Variants in CORO2A observed in about 807,000 individuals in gnomAD.
CORO2A encodes coronin-2A.
CORO2A carries 47 observed loss-of-function variants against 62.4 expected under a neutral mutation model. The observed-to-expected ratio is 0.75, with a 90% CI of 0.60 to 0.96. CORO2A has a LOEUF of 0.96. CORO2A is among the 40% of genes least tolerant of loss of function. CORO2A has a pLI of 0.00. For synonymous variants in CORO2A, 273 were observed against 268.9 expected (o/e 1.02, Z -0.15); for missense variants, 610 against 684.1 (o/e 0.89, Z 1.21).
intron 2 of CORO2A, among the ~76,000 whole-genome samples, chr9:98,153,498 G>A (rs1043127058): frequency 2.6e-5 from 4 of 150,948 alleles, no homozygotes; most frequent in East Asian, 1.9e-4. Flanking sequence ...CCTCAAATTC[G>A]TGGCCTCAAG....
At chr9:98,163,768 G>GAGAGAGAGAGAGAGAA (rs144754511) in intron 1 of CORO2A, among the ~76,000 whole-genome samples, 2 of 146,960 alleles carry the variant, frequency 1.4e-5, no homozygotes, top group Non-Finnish European at 1.5e-5. Flanking sequence ...GAGAGAGAGA[G>GAGAGAGAGAGAGAGAA]AGAGAGAAAG....
At chr9:98,189,808 T>G (rs1025235302) in intron 1 of CORO2A, among the ~76,000 whole-genome samples, 1 of 152,250 alleles carries the variant, frequency 6.6e-6, no homozygotes, top group African/African-American at 2.4e-5. Flanking sequence ...CACTATTTTT[T>G]AAGCTGTATT....
intron 1 of CORO2A, among the ~76,000 whole-genome samples, chr9:98,182,994 G>A (rs532212088): frequency 1.3e-5 from 2 of 152,322 alleles, no homozygotes; most frequent in Admixed American, 1.3e-4. Context: ...AGGCTGAAAC[G>A]CCTGTGAGAT....
At chr9:98,149,441 G>A (rs1827693380) in intron 2 of CORO2A, among the ~76,000 whole-genome samples, 1 of 152,158 alleles carries the variant, frequency 6.6e-6, no homozygotes, top group African/African-American at 2.4e-5. Flanking sequence ...AGGAATATGT[G>A]AGGCTGAGTA....
intron 3 of CORO2A, among the ~76,000 whole-genome samples, chr9:98,135,814 AC>A (rs770777441): frequency 8.3e-4 from 126 of 152,296 alleles, no homozygotes; most frequent in Admixed American, 3.5e-3. Context: ...TGGATTTAAA[AC>A]CAGGAAGCCA....
chr9:98,159,366 C>T (rs1207938319), intron 1 of CORO2A, among the ~76,000 whole-genome samples: 2 of 152,174 alleles, frequency 1.3e-5, no homozygotes, highest in Non-Finnish European at 2.9e-5. Flanking sequence ...CCCTCTGATG[C>T]TGCCCATTCA....
intron 1 of CORO2A, among the ~76,000 whole-genome samples, chr9:98,163,219 G>A (rs1827909502): frequency 1.3e-5 from 2 of 152,140 alleles, no homozygotes; most frequent in South Asian, 2.1e-4. Context: ...ACGGAGTCTC[G>A]CTCTGTTGCC....
intron 3 of CORO2A, among the ~76,000 whole-genome samples, chr9:98,135,617 G>A (rs894606444): frequency 6.6e-6 from 1 of 152,262 alleles, no homozygotes; most frequent in Middle Eastern, 3.4e-3. Flanking sequence ...TAAGCTCCCT[G>A]TCACAGAGGT....
chr9:98,164,751 C>T (rs181816531), intron 1 of CORO2A, among the ~76,000 whole-genome samples: 1 of 152,260 alleles, frequency 6.6e-6, no homozygotes, highest in African/African-American at 2.4e-5. Flanking sequence ...AACAGTCTCA[C>T]CCCACAGGGT....
rs139255216 is a variant in CORO2A at position 98,131,823 on chromosome 9, A to C, written c.765+362T>G. Among the ~76,000 whole-genome samples the C allele has an allele frequency of 5.3e-4, 80 of 152,100 alleles. 1 individual carries two copies. The East Asian group carries it at 0.015, about 28-fold the overall frequency. ...GCTCCACCCTCAGCTGTCCCAATGA[A>C]AGCTCCTTCTCCCCATACCCGTTAG... On this transcript the variant is annotated intron_variant, in intron 6 of 11. Coordinates refer to ENST00000375077, the MANE Select transcript of CORO2A (RefSeq NM_052820.4).
At chr9:98,171,858 C>T (rs1828041007) in intron 1 of CORO2A, among the ~76,000 whole-genome samples, 1 of 151,868 alleles carries the variant, frequency 6.6e-6, no homozygotes, top group South Asian at 2.1e-4. Context: ...GCACCTGAGA[C>T]AGTGGGGAGG....
Position 98,132,237 on chromosome 9 carries a change from A to T in CORO2A, c.713T>A (p.Met238Lys). ...GTTCCATCGGGATGTGCCTGTGGAC[A>T]TCAGCTTCTTCAGGTTCCCCAGAAA... ...VLFLGNLKKL[M>K]STGTSRWNNR... The change falls in exon 6 of 12, where the codon ATG becomes AAG. Residue 238 changes from methionine to lysine, a missense_variant. Physicochemically the swap from Met to Lys is moderately conservative, Grantham distance 95. Transcript: ENST00000375077. 1.2e-6 allele frequency: 2 copies of T among 1,614,180 alleles called. No individual in the cohort carries two copies. The highest frequency in any genetic ancestry group is 2.2e-5 in the South Asian group (2 of 91,080).
chr9:98,127,778 AC>A (rs1464732435), intron 10 of CORO2A, among the ~76,000 whole-genome samples: 2 of 129,248 alleles, frequency 1.5e-5, no homozygotes, highest in Non-Finnish European at 3.1e-5. Flanking sequence ...AGATTGTACC[AC>A]TGCACTCCAG....
At chr9:98,153,364 G>T (rs551245229) in intron 2 of CORO2A, among the ~76,000 whole-genome samples, 175 of 150,778 alleles carry the variant, frequency 1.2e-3, no homozygotes, top group Non-Finnish European at 2.0e-3. Flanking sequence ...GCCTGCCAAG[G>T]TGCTGGGATT....
chr9:98,132,719 A>C (rs1426882224), intron 5 of CORO2A, among the ~76,000 whole-genome samples: 1 of 152,214 alleles, frequency 6.6e-6, no homozygotes, highest in Non-Finnish European at 1.5e-5. Flanking sequence ...GTGGCTAAAC[A>C]GTGGTATCGT....
chr9:98,167,376 T>C (rs922478296), intron 1 of CORO2A, among the ~76,000 whole-genome samples: 1 of 152,146 alleles, frequency 6.6e-6, no homozygotes, highest in Non-Finnish European at 1.5e-5. Flanking sequence ...GTTCTAGAGA[T>C]GGATGGTGGT....
chr9:98,135,894 G>A (rs61080625), intron 3 of CORO2A, among the ~76,000 whole-genome samples: 1,703 of 152,270 alleles, frequency 0.011, 22 homozygotes, highest in African/African-American at 0.039. Context: ...ATAGAACCCC[G>A]GGAGGAAGAC....
intron 1 of CORO2A, among the ~76,000 whole-genome samples, chr9:98,175,156 C>T (rs563943651): frequency 2.0e-4 from 31 of 152,204 alleles, no homozygotes; most frequent in African/African-American, 6.7e-4. Context: ...GGGTGGGGTG[C>T]GGGATGGCCC....
At chr9:98,167,968 C>G (rs1256685698) in intron 1 of CORO2A, among the ~76,000 whole-genome samples, 2 of 152,160 alleles carry the variant, frequency 1.3e-5, no homozygotes, top group Non-Finnish European at 2.9e-5. Context: ...CTTTAAATTT[C>G]CATTGTAAAA....
Sources: allele counts gnomAD v4.1 joint callset (sites outside exome capture counted in the v4.1 genomes callset), GRCh38; gene constraint gnomAD v4.1.1; transcripts MANE v1.5; gene names NCBI Gene and HGNC (gene_info 2026-07-23, HGNC 2026-07-21).